The following ATRNL1 variants were observed in gnomAD, a reference collection of about 807,000 sequenced individuals.
ATRNL1 encodes attractin like 1, also known as attractin-like protein 1.
A neutral mutation model predicts 182.7 loss-of-function variants in ATRNL1; 95 were observed. That is an observed-to-expected ratio of 0.52 (90% CI 0.44 to 0.62). The LOEUF (loss-of-function observed/expected upper bound fraction) is 0.62. Ranked by LOEUF, ATRNL1 falls within the 20% of genes least tolerant of loss-of-function variation. ATRNL1 has a pLI of 0.00. For missense variants in ATRNL1, 1,471 were observed against 1,679.5 expected, an observed-to-expected ratio of 0.88 and a Z score of 2.17; for synonymous variants, 576 against 568.3, an observed-to-expected ratio of 1.01 and a Z score of -0.19.
chr10:115,528,021 CCTTCCCTCCTTCCTTTCT>C (rs1851339967), intron 25 of ATRNL1, among the ~76,000 whole-genome samples: 3 of 60,486 alleles, frequency 5.0e-5, no homozygotes, highest in African/African-American at 1.5e-4. Context: ...TTCCTTCCTT[CCTTCCCTCCTTCCTTTCT>C]TCCTTCCTTC....
intron 8 of ATRNL1, among the ~76,000 whole-genome samples, chr10:115,204,175 AT>A (rs1195898592): frequency 1.3e-5 from 2 of 151,394 alleles, no homozygotes; most frequent in Non-Finnish European, 2.9e-5. Flanking sequence ...GAATTTTTAA[AT>A]TTTTTTTTAC....
intron 8 of ATRNL1, among the ~76,000 whole-genome samples, chr10:115,204,086 C>A (rs925316875): frequency 6.6e-6 from 1 of 151,538 alleles, no homozygotes. Context: ...TTTTTGGTTT[C>A]TTTTTCAGAT....
At chr10:115,492,833 C>T (rs922674540) in intron 24 of ATRNL1, among the ~76,000 whole-genome samples, 10 of 151,550 alleles carry the variant, frequency 6.6e-5, no homozygotes, top group Admixed American at 1.3e-4. Flanking sequence ...TTAGTAGAGA[C>T]GGGGTTTCAC....
At chr10:115,635,816 A>G (rs1261165140) in intron 26 of ATRNL1, among the ~76,000 whole-genome samples, 1 of 152,180 alleles carries the variant, frequency 6.6e-6, no homozygotes, top group Non-Finnish European at 1.5e-5. Context: ...GAAAAAAATC[A>G]GTGAGTGAAC....
intron 18 of ATRNL1, among the ~76,000 whole-genome samples, chr10:115,321,671 CTT>C (rs528619167): frequency 0.013 from 1,580 of 125,742 alleles, 25 homozygotes; most frequent in African/African-American, 0.043. Context: ...AAGGTGAAAG[CTT>C]TTTTTTTTTT....
intron 28 of ATRNL1, among the ~76,000 whole-genome samples, chr10:115,862,847 ATGG>A (rs1555103793): frequency 1.7e-3 from 252 of 152,378 alleles, no homozygotes; most frequent in African/African-American, 5.9e-3. Context: ...ACATGCATAA[ATGG>A]AATACACTGT....
At chr10:115,261,098 G>A (rs1226679386) in intron 10 of ATRNL1, among the ~76,000 whole-genome samples, 1 of 151,930 alleles carries the variant, frequency 6.6e-6, no homozygotes, top group Non-Finnish European at 1.5e-5. Context: ...AACTTATATA[G>A]AGAGAAAAGA....
At chr10:115,747,887 T>C (rs1416822013) in intron 27 of ATRNL1, among the ~76,000 whole-genome samples, 1 of 152,046 alleles carries the variant, frequency 6.6e-6, no homozygotes, top group East Asian at 1.9e-4. Flanking sequence ...TATCCTCTTA[T>C]GGTGAAAGAT....
intron 27 of ATRNL1, among the ~76,000 whole-genome samples, chr10:115,735,756 A>G (rs1259458650): frequency 1.3e-5 from 2 of 152,180 alleles, no homozygotes; most frequent in Non-Finnish European, 2.9e-5. Context: ...TGCTAGACAG[A>G]GATAATTCGC....
chr10:115,368,453 C>T (rs1334803422), intron 19 of ATRNL1, among the ~76,000 whole-genome samples: 1 of 152,208 alleles, frequency 6.6e-6, no homozygotes, highest in African/African-American at 2.4e-5. Flanking sequence ...AACCCAGTAC[C>T]TCAGATGGAA....
chr10:115,723,644 G>T (rs754228599), intron 26 of ATRNL1, among the ~76,000 whole-genome samples: 26 of 152,144 alleles, frequency 1.7e-4, no homozygotes, highest in Middle Eastern at 3.4e-3. Flanking sequence ...CACCTCCCGG[G>T]TTCAAGTGAT....
At chr10:115,347,541 ATATACT>A (rs1453286151) in intron 19 of ATRNL1, among the ~76,000 whole-genome samples, 19 of 152,070 alleles carry the variant, frequency 1.2e-4, no homozygotes, top group African/African-American at 4.6e-4. Context: ...AAACTAGTAA[ATATACT>A]TATTAAAATT....
intron 20 of ATRNL1, among the ~76,000 whole-genome samples, chr10:115,425,163 G>T (rs1845826957): frequency 6.6e-6 from 1 of 151,810 alleles, no homozygotes; most frequent in South Asian, 2.1e-4. Context: ...TGATTATTTA[G>T]CCTCTAATTT....
chr10:115,122,984 T>C (rs1397272053), intron 3 of ATRNL1, among the ~76,000 whole-genome samples: 1 of 152,210 alleles, frequency 6.6e-6, no homozygotes, highest in Non-Finnish European at 1.5e-5. Context: ...ATTTTTATGA[T>C]ACCGTTGACT....
At chr10:115,477,279 A>G (rs1287464908) in intron 24 of ATRNL1, among the ~76,000 whole-genome samples, 1 of 151,652 alleles carries the variant, frequency 6.6e-6, no homozygotes, top group Non-Finnish European at 1.5e-5. Context: ...ACAGAAGAAA[A>G]TGTATTGTTA....
At chr10:115,851,903 T>G (rs1157608425) in intron 28 of ATRNL1, among the ~76,000 whole-genome samples, 2 of 152,164 alleles carry the variant, frequency 1.3e-5, no homozygotes, top group Non-Finnish European at 2.9e-5. Context: ...GTAACTCTCC[T>G]ACATGACACT....
chr10:115,127,031 T>C (rs1845004136), intron 3 of ATRNL1, among the ~76,000 whole-genome samples: 1 of 152,180 alleles, frequency 6.6e-6, no homozygotes, highest in African/African-American at 2.4e-5. Context: ...TTTGCATAGA[T>C]ATGCAAAATT....
intron 13 of ATRNL1, among the ~76,000 whole-genome samples, chr10:115,281,123 GT>G (rs1852340956): frequency 6.6e-6 from 1 of 152,192 alleles, no homozygotes; most frequent in African/African-American, 2.4e-5. Context: ...GTTGCAGTTT[GT>G]TTAATCCTAA....
chr10:115,650,735 T>C (rs1015474508), intron 26 of ATRNL1, among the ~76,000 whole-genome samples: 2 of 152,150 alleles, frequency 1.3e-5, no homozygotes, highest in South Asian at 2.1e-4. Flanking sequence ...AAGTCACCCA[T>C]CTTAGAGGCA....
Sources: allele counts gnomAD v4.1 joint callset (sites outside exome capture counted in the v4.1 genomes callset), GRCh38; gene constraint gnomAD v4.1.1; transcripts MANE v1.5; gene names NCBI Gene and HGNC (gene_info 2026-07-23, HGNC 2026-07-21).